FSTL4: variants seen among roughly 807,000 people sequenced by gnomAD.
FSTL4 encodes follistatin-related protein 4.
FSTL4 carries 28 observed loss-of-function variants against 78.2 expected under a neutral mutation model. The ratio of observed to expected loss-of-function variants is 0.36; its 90% CI spans 0.27 to 0.49. FSTL4 has a LOEUF of 0.49. Among genes scored for constraint, FSTL4 ranks in the 20% least tolerant of loss-of-function variants. The pLI, the probability that FSTL4 is intolerant of heterozygous loss-of-function variation, is 0.98. For missense variants in FSTL4, 922 were observed against 1,084.9 expected, an observed-to-expected ratio of 0.85 and a Z score of 2.11; for synonymous variants, 422 against 440.5, an observed-to-expected ratio of 0.96 and a Z score of 0.53.
chr5:133,298,633 T>G (rs1010516788), intron 6 of FSTL4, among the ~76,000 whole-genome samples: 1 of 152,196 alleles, frequency 6.6e-6, no homozygotes, highest in Non-Finnish European at 1.5e-5. Flanking sequence ...CTTCCTAACC[T>G]GTTGGCTTTG....
At chr5:133,264,206 G>C (rs146188064) in intron 6 of FSTL4, among the ~76,000 whole-genome samples, 4 of 152,170 alleles carry the variant, frequency 2.6e-5, no homozygotes, top group African/African-American at 9.7e-5. Flanking sequence ...CAATAGTGGC[G>C]CTGTTGAGAA....
chr5:133,640,788 T>C, the FSTL4 span, among the ~76,000 whole-genome samples: 26 of 152,198 alleles, frequency 1.7e-4, no homozygotes, highest in African/African-American at 6.3e-4. Flanking sequence ...GAAGGGACCA[T>C]TGGCCGCTGG....
the FSTL4 span, among the ~76,000 whole-genome samples, chr5:133,761,393 T>A: frequency 6.6e-6 from 1 of 152,182 alleles, no homozygotes; most frequent in African/African-American, 2.4e-5. Flanking sequence ...ACATTCTCGG[T>A]AAATAAAATC....
At chr5:133,521,456 A>G (rs1268576114) in intron 3 of FSTL4, among the ~76,000 whole-genome samples, 1 of 152,068 alleles carries the variant, frequency 6.6e-6, no homozygotes, top group Non-Finnish European at 1.5e-5. Flanking sequence ...CTAATTCATG[A>G]GGACTTGCAA....
At chr5:133,379,900 C>T (rs1460302306) in intron 4 of FSTL4, among the ~76,000 whole-genome samples, 1 of 151,800 alleles carries the variant, frequency 6.6e-6, no homozygotes, top group African/African-American at 2.4e-5. Context: ...CATGGTGAAA[C>T]CTCATCTCTA....
At chr5:133,723,601 C>A in the FSTL4 span, among the ~76,000 whole-genome samples, 5 of 152,176 alleles carry the variant, frequency 3.3e-5, no homozygotes, top group Admixed American at 2.0e-4. Flanking sequence ...CGTGCCTCAG[C>A]AGCTCACACT....
chr5:133,737,006 T>C, the FSTL4 span, among the ~76,000 whole-genome samples: 1 of 152,130 alleles, frequency 6.6e-6, no homozygotes, highest in African/African-American at 2.4e-5. Flanking sequence ...AGGCATGCAA[T>C]GTTAAATACG....
chr5:133,207,748 AT>A (rs1009268705), intron 14 of FSTL4: 1 of 74,784 alleles, frequency 1.3e-5, no homozygotes, highest in African/African-American at 4.3e-5. Flanking sequence ...GGCTCAAGTG[AT>A]TGATTCTCCT....
At chr5:133,621,283 C>T in the FSTL4 span, among the ~76,000 whole-genome samples, 2 of 152,098 alleles carry the variant, frequency 1.3e-5, no homozygotes, top group Admixed American at 1.3e-4. Flanking sequence ...GCCTGTAGTC[C>T]CAGCTACTCG....
At chr5:133,279,306 G>A (rs1286109284) in intron 6 of FSTL4, among the ~76,000 whole-genome samples, 1 of 152,204 alleles carries the variant, frequency 6.6e-6, no homozygotes. Context: ...AGCGAACTGT[G>A]CATGTGGGGG....
chr5:133,351,927 T>C (rs1331068872), intron 4 of FSTL4, among the ~76,000 whole-genome samples: 1 of 151,950 alleles, frequency 6.6e-6, no homozygotes, highest in East Asian at 1.9e-4. Context: ...GAATTTTTAA[T>C]TAAATAGCAA....
At chr5:133,608,781 C>A (rs955104646) in intron 1 of FSTL4, among the ~76,000 whole-genome samples, 5 of 152,142 alleles carry the variant, frequency 3.3e-5, no homozygotes, top group Non-Finnish European at 5.9e-5. Flanking sequence ...TACTGACTTG[C>A]TTTTTGAAGA....
At chr5:133,821,324 C>G in the FSTL4 span, among the ~76,000 whole-genome samples, 4 of 152,146 alleles carry the variant, frequency 2.6e-5, no homozygotes, top group African/African-American at 9.7e-5. Flanking sequence ...GGAAATGAGC[C>G]ATCAAGGATG....
intron 7 of FSTL4, among the ~76,000 whole-genome samples, chr5:133,238,993 G>C (rs933119495): frequency 4.6e-5 from 7 of 152,230 alleles, no homozygotes; most frequent in Non-Finnish European, 2.9e-5. Context: ...GGTGTGGAGA[G>C]GCGCGGGCGG....
At chr5:133,258,961 G>T (rs1001533858) in intron 6 of FSTL4, among the ~76,000 whole-genome samples, 3 of 152,144 alleles carry the variant, frequency 2.0e-5, no homozygotes, top group Non-Finnish European at 4.4e-5. Context: ...AATACCTTCT[G>T]TACAGGGAGC....
intron 6 of FSTL4, among the ~76,000 whole-genome samples, chr5:133,294,458 G>GT (rs1360753149): frequency 6.6e-6 from 1 of 152,122 alleles, no homozygotes; most frequent in Non-Finnish European, 1.5e-5. Context: ...CATGCTCCAC[G>GT]TGCCACCCAC....
At chr5:133,565,208 A>G (rs1178186736) in intron 3 of FSTL4, among the ~76,000 whole-genome samples, 1 of 152,202 alleles carries the variant, frequency 6.6e-6, no homozygotes, top group Non-Finnish European at 1.5e-5. Context: ...CCAGGTGTTC[A>G]TTGCTAGACA....
At chr5:133,801,827 G>A in the FSTL4 span, among the ~76,000 whole-genome samples, 4 of 152,202 alleles carry the variant, frequency 2.6e-5, no homozygotes, top group African/African-American at 9.7e-5. Context: ...ACTCCCAGGC[G>A]AGCTGGAGGT....
At chr5:133,460,655 G>A in intron 3 of FSTL4, among the ~76,000 whole-genome samples, 1 of 152,288 alleles carries the variant, frequency 6.6e-6, no homozygotes, top group East Asian at 1.9e-4. Context: ...GGATCTGATT[G>A]TCTCTTTGGA....
Sources: gnomAD v4.1 joint callset for allele counts (sites outside exome capture counted in the v4.1 genomes callset) on GRCh38, gnomAD v4.1.1 for gene constraint, MANE v1.5 for transcripts, NCBI Gene and HGNC (gene_info 2026-07-23, HGNC 2026-07-21) for gene names.